Variants in PTER observed in about 807,000 individuals in gnomAD.
PTER encodes N-acetyltaurine hydrolase.
In PTER, 38 loss-of-function variants were observed where a neutral mutation model predicts 29.6. The ratio of observed to expected loss-of-function variants is 1.28; its 90% CI spans 0.99 to 1.68. PTER has a LOEUF of 1.68. Ranked by LOEUF, PTER falls within the 40% of genes most tolerant of loss-of-function variation. The pLI is 0.00. For missense variants in PTER, 482 were observed against 427.8 expected, an observed-to-expected ratio of 1.13 and a Z score of -1.12; for synonymous variants, 172 against 154.5, an observed-to-expected ratio of 1.11 and a Z score of -0.84.
intron 1 of PTER, among the ~76,000 whole-genome samples, chr10:16,460,449 C>A (rs1159192640): frequency 6.6e-6 from 1 of 152,074 alleles, no homozygotes; most frequent in Non-Finnish European, 1.5e-5. Context: ...TAAATGATCT[C>A]CATAGTTTAT....
chr10:16,451,323 A>C (rs1030339921), intron 1 of PTER, among the ~76,000 whole-genome samples: 2 of 152,114 alleles, frequency 1.3e-5, no homozygotes, highest in African/African-American at 4.8e-5. Context: ...CTTTGCCAAC[A>C]CCCTCACAGA....
intron 1 of PTER, among the ~76,000 whole-genome samples, chr10:16,446,283 T>C (rs114799185): frequency 0.018 from 2,704 of 151,866 alleles, 89 homozygotes; most frequent in African/African-American, 0.063. Context: ...CAGTGTGATC[T>C]TGGCTAACTG....
At chr10:16,467,156 A>T (rs1308336445) in intron 1 of PTER, among the ~76,000 whole-genome samples, 1 of 152,190 alleles carries the variant, frequency 6.6e-6, no homozygotes, top group African/African-American at 2.4e-5. Flanking sequence ...CCACAGTCTG[A>T]AAATATTAAG....
intron 1 of PTER, among the ~76,000 whole-genome samples, chr10:16,446,725 T>C (rs959299519): frequency 3.2e-4 from 48 of 152,354 alleles, no homozygotes; most frequent in African/African-American, 9.9e-4. Context: ...CTTAATTCTT[T>C]CTTTTCTATT....
chr10:16,469,034 G>A (rs1834949136), intron 1 of PTER, among the ~76,000 whole-genome samples: 1 of 151,986 alleles, frequency 6.6e-6, no homozygotes, highest in African/African-American at 2.4e-5. Flanking sequence ...GTGAAATTGA[G>A]GTGCTATGAG....
chr10:16,508,161 C>T (rs1228083196), intron 4 of PTER, among the ~76,000 whole-genome samples: 1 of 151,322 alleles, frequency 6.6e-6, no homozygotes, highest in East Asian at 1.9e-4. Context: ...CTCTGCCTCC[C>T]AGGTTCACGC....
At chr10:16,451,665 T>C (rs1029874282) in intron 1 of PTER, among the ~76,000 whole-genome samples, 1 of 152,164 alleles carries the variant, frequency 6.6e-6, no homozygotes, top group African/African-American at 2.4e-5. Context: ...TGAGCCAAGA[T>C]TGTGCCACTG....
intron 1 of PTER, among the ~76,000 whole-genome samples, chr10:16,481,891 T>G (rs1441399570): frequency 6.6e-6 from 1 of 152,198 alleles, no homozygotes; most frequent in Non-Finnish European, 1.5e-5. Context: ...TTAATGGTAC[T>G]GTGATTTCAT....
At chr10:16,467,340 G>C (rs565847514) in intron 1 of PTER, among the ~76,000 whole-genome samples, 1 of 151,968 alleles carries the variant, frequency 6.6e-6, no homozygotes, top group Non-Finnish European at 1.5e-5. Context: ...CAAAAACATA[G>C]TATCTACAGG....
chr10:16,495,545 T>G (rs1188173253), intron 3 of PTER, among the ~76,000 whole-genome samples: 1 of 152,232 alleles, frequency 6.6e-6, no homozygotes, highest in African/African-American at 2.4e-5. Context: ...AAATCAGTTG[T>G]ATATATAAGC....
At chr10:16,472,402 G>A (rs192307835) in intron 1 of PTER, among the ~76,000 whole-genome samples, 3 of 152,168 alleles carry the variant, frequency 2.0e-5, no homozygotes, top group Admixed American at 6.5e-5. Flanking sequence ...ATTGAATCAC[G>A]GGGGCGGTTT....
At position 16,512,756 on chromosome 10, in the gene PTER, GC is replaced by G. The variant is rs1477745098; in HGVS notation, c.*1501del. 6.6e-6 allele frequency: 1 copy of G among 152,262 alleles called. No individual in the cohort carries two copies. The highest frequency in any genetic ancestry group is 2.4e-5 in the African/African-American group (1 of 41,412). 9.4% of individuals were successfully genotyped at this position (152,262 alleles called of 1,614,324 possible). On this transcript the variant is annotated 3_prime_UTR_variant, in exon 5 of 5. Coordinates refer to ENST00000535784, the MANE Select transcript of PTER (RefSeq NM_001261836.2). Reference sequence around the variant, plus strand: ...AATGCAAATGTCCTTCACCAGTAAAGCAAGCAAATTTTTAAAATCTCTGTTT... The same window carrying G: ...AATGCAAATGTCCTTCACCAGTAAAGAAGCAAATTTTTAAAATCTCTGTTT...
At chr10:16,516,476 A>G (rs2133538035), downstream of PTER, among the ~76,000 whole-genome samples, 3 of 152,310 alleles carry the variant, frequency 2.0e-5, no homozygotes, top group Middle Eastern at 0.01. Context: ...AATTAAAAAC[A>G]AAATATTCAT....
intron 3 of PTER, among the ~76,000 whole-genome samples, chr10:16,488,196 C>A (rs1439581972): frequency 6.6e-6 from 1 of 152,144 alleles, no homozygotes; most frequent in Non-Finnish European, 1.5e-5. Context: ...AAAGTAGAGG[C>A]ATGCTTCTAT....
intron 1 of PTER, among the ~76,000 whole-genome samples, chr10:16,461,804 A>C (rs1834623333): frequency 6.6e-6 from 1 of 152,324 alleles, no homozygotes; most frequent in South Asian, 2.1e-4. Context: ...CATATTCTGA[A>C]TCAATATACC....
At chr10:16,509,338 C>T (rs1836721559) in intron 4 of PTER, among the ~76,000 whole-genome samples, 2 of 152,062 alleles carry the variant, frequency 1.3e-5, no homozygotes, top group Admixed American at 1.3e-4. Flanking sequence ...CTAAGGATTC[C>T]CGGTTTTAAG....
intron 1 of PTER, among the ~76,000 whole-genome samples, chr10:16,455,044 CATGGT>C (rs1234835034): frequency 6.6e-6 from 1 of 151,966 alleles, no homozygotes; most frequent in Non-Finnish European, 1.5e-5. Context: ...GCCTGGGGGA[CATGGT>C]GAAACCCTGT....
At chr10:16,448,274 G>T (rs1204273764) in intron 1 of PTER, among the ~76,000 whole-genome samples, 3 of 152,200 alleles carry the variant, frequency 2.0e-5, no homozygotes, top group African/African-American at 7.2e-5. Context: ...TGGATCTGCT[G>T]GGTCATATGG....
chr10:16,489,884 CT>C (rs1564403308), intron 3 of PTER, among the ~76,000 whole-genome samples: 1 of 152,154 alleles, frequency 6.6e-6, no homozygotes, highest in East Asian at 1.9e-4. Context: ...GTTCTGACCC[CT>C]CAGCTTAGCA....
Sources: allele counts gnomAD v4.1 joint callset (sites outside exome capture counted in the v4.1 genomes callset), GRCh38; gene constraint gnomAD v4.1.1; transcripts MANE v1.5; gene names NCBI Gene and HGNC (gene_info 2026-07-23, HGNC 2026-07-21).